Variants in ARHGAP26 observed in about 807,000 individuals in gnomAD.
ARHGAP26 encodes the protein Rho GTPase activating protein 26.
In ARHGAP26, 38 loss-of-function variants were observed where a neutral mutation model predicts 104.8. The observed-to-expected ratio is 0.36, with a 90% CI of 0.28 to 0.48. The LOEUF (loss-of-function observed/expected upper bound fraction) is 0.48, where lower values mean the gene tolerates loss of function less well. ARHGAP26 is among the 20% of genes least tolerant of loss of function. The pLI, the probability that ARHGAP26 is intolerant of heterozygous loss-of-function variation, is 0.99. For synonymous variants in ARHGAP26, 341 were observed against 340.0 expected, an observed-to-expected ratio of 1.00 and a Z score of -0.03; for missense variants, 704 against 947.9, an observed-to-expected ratio of 0.74 and a Z score of 3.38.
chr5:143,061,112 T>C (rs891057958), intron 17 of ARHGAP26, among the ~76,000 whole-genome samples: 2 of 152,236 alleles, frequency 1.3e-5, no homozygotes, highest in African/African-American at 4.8e-5. Flanking sequence ...TTTTGCATGA[T>C]TTACTTTTGC....
intron 17 of ARHGAP26, among the ~76,000 whole-genome samples, chr5:143,061,062 A>G (rs888195038): frequency 6.6e-6 from 1 of 152,230 alleles, no homozygotes; most frequent in Non-Finnish European, 1.5e-5. Context: ...TTTTTGTTTT[A>G]AAATCATGCA....
chr5:143,164,913 A>G (rs1016834199), intron 20 of ARHGAP26: 3 of 152,210 alleles, frequency 2.0e-5, no homozygotes, highest in African/African-American at 7.2e-5. Context: ...CTGAATATAT[A>G]ATCAGTGTGT....
chr5:142,799,639 A>T (rs1243383364), intron 1 of ARHGAP26, among the ~76,000 whole-genome samples: 1 of 152,216 alleles, frequency 6.6e-6, no homozygotes, highest in African/African-American at 2.4e-5. Flanking sequence ...GAGGCTGGGA[A>T]GTCCAAGATT....
chr5:142,819,148 G>A (rs943301976), intron 1 of ARHGAP26, among the ~76,000 whole-genome samples: 5 of 152,120 alleles, frequency 3.3e-5, no homozygotes, highest in African/African-American at 1.2e-4. Flanking sequence ...TTGCCTCTAT[G>A]GACTGGTTTT....
intron 17 of ARHGAP26, among the ~76,000 whole-genome samples, chr5:143,076,229 C>G (rs1055118701): frequency 9.3e-5 from 14 of 149,998 alleles, no homozygotes; most frequent in African/African-American, 3.5e-4. Context: ...AACTCCTGGC[C>G]TCAAACTATC....
At chr5:143,063,560 G>C (rs1301404058) in intron 17 of ARHGAP26, among the ~76,000 whole-genome samples, 2 of 152,194 alleles carry the variant, frequency 1.3e-5, no homozygotes, top group Non-Finnish European at 2.9e-5. Flanking sequence ...TGTTTCTCAT[G>C]ATCACCATCC....
intron 13 of ARHGAP26, chr5:143,041,403 TA>T (rs1783446782): frequency 5.9e-6 from 1 of 168,422 alleles, no homozygotes; most frequent in Non-Finnish European, 1.4e-5. Context: ...ATTTTTTGTG[TA>T]AAAATAGATT....
chr5:142,796,725 T>C (rs1761056199), intron 1 of ARHGAP26, among the ~76,000 whole-genome samples: 1 of 152,242 alleles, frequency 6.6e-6, no homozygotes, highest in African/African-American at 2.4e-5. Flanking sequence ...CCTATGTGTA[T>C]AAGCTCTCTG....
intron 19 of ARHGAP26, among the ~76,000 whole-genome samples, chr5:143,145,937 A>G (rs888984470): frequency 6.6e-6 from 1 of 152,218 alleles, no homozygotes; most frequent in African/African-American, 2.4e-5. Context: ...GCAAAGGGAA[A>G]AGTATTTTTA....
At chr5:142,800,300 C>G (rs1430524085) in intron 1 of ARHGAP26, among the ~76,000 whole-genome samples, 2 of 151,988 alleles carry the variant, frequency 1.3e-5, no homozygotes, top group African/African-American at 4.8e-5. Flanking sequence ...CTCCCCCTCT[C>G]TCTGTCTCTG....
At chr5:143,142,245 T>C (rs2150954328) in intron 19 of ARHGAP26, among the ~76,000 whole-genome samples, 1 of 149,992 alleles carries the variant, frequency 6.7e-6, no homozygotes, top group South Asian at 2.1e-4. Flanking sequence ...TTCAAGTGAT[T>C]CTCCCGCCTT....
At chr5:143,025,087 T>C (rs1326239856) in intron 12 of ARHGAP26, among the ~76,000 whole-genome samples, 1 of 152,216 alleles carries the variant, frequency 6.6e-6, no homozygotes, top group Non-Finnish European at 1.5e-5. Context: ...TTTATTCTTA[T>C]TACCAATAAT....
At chr5:143,191,524 G>A (rs565263098) in intron 20 of ARHGAP26, among the ~76,000 whole-genome samples, 2 of 152,290 alleles carry the variant, frequency 1.3e-5, no homozygotes, top group Admixed American at 1.3e-4. Context: ...GTGCTTGGGT[G>A]AACTTTATTC....
At chr5:143,103,674 C>T (rs1395263900) in intron 17 of ARHGAP26, among the ~76,000 whole-genome samples, 1 of 152,114 alleles carries the variant, frequency 6.6e-6, no homozygotes, top group Non-Finnish European at 1.5e-5. Flanking sequence ...GGAAACCATT[C>T]TCAGCAAACT....
At chr5:142,973,625 T>G (rs530684193) in intron 11 of ARHGAP26, among the ~76,000 whole-genome samples, 1 of 152,356 alleles carries the variant, frequency 6.6e-6, no homozygotes, top group African/African-American at 2.4e-5. Context: ...TGGTTATGAA[T>G]GAAAGAGAAA....
At chr5:143,048,783 G>A (rs1171173816) in intron 14 of ARHGAP26, among the ~76,000 whole-genome samples, 3 of 151,576 alleles carry the variant, frequency 2.0e-5, no homozygotes, top group Non-Finnish European at 4.4e-5. Flanking sequence ...GCGTGGTGGT[G>A]CACATCTGTA....
chr5:143,195,893 A>C (rs1195955945), intron 20 of ARHGAP26, among the ~76,000 whole-genome samples: 1 of 152,088 alleles, frequency 6.6e-6, no homozygotes. Context: ...AAAGCACAAA[A>C]ACTTTGCGTA....
chr5:143,159,374 G>C (rs998701322), intron 20 of ARHGAP26, among the ~76,000 whole-genome samples: 1 of 152,184 alleles, frequency 6.6e-6, no homozygotes, highest in Non-Finnish European at 1.5e-5. Flanking sequence ...GAAACAGCAG[G>C]AATAGCTATC....
At chr5:143,021,973 T>C (rs374747051) in intron 12 of ARHGAP26, among the ~76,000 whole-genome samples, 9 of 152,352 alleles carry the variant, frequency 5.9e-5, no homozygotes, top group East Asian at 1.9e-4. Context: ...GTACACTAGG[T>C]CATTTGAGAG....
Sources: allele counts gnomAD v4.1 joint callset (sites outside exome capture counted in the v4.1 genomes callset), GRCh38; gene constraint gnomAD v4.1.1; transcripts MANE v1.5; gene names NCBI Gene and HGNC (gene_info 2026-07-23, HGNC 2026-07-21).